Variants in NACC2 observed in about 807,000 individuals in gnomAD.
NACC2 encodes nucleus accumbens-associated protein 2.
Under a neutral mutation model 25.1 loss-of-function variants are expected in NACC2, and 8 were observed. The observed-to-expected ratio is 0.32, with a 90% CI of 0.19 to 0.57. The LOEUF is 0.57. NACC2 is among the 20% of genes least tolerant of loss of function. NACC2 has a pLI of 0.89. For missense variants in NACC2, 644 were observed against 650.2 expected (o/e 0.99, Z 0.10); for synonymous variants, 435 against 294.7 (o/e 1.48, Z -4.88).
chr9:136,051,028 G>GGGGAAGGA (rs1315949042), intron 1 of NACC2, among the ~76,000 whole-genome samples: 3 of 152,238 alleles, frequency 2.0e-5, no homozygotes, highest in African/African-American at 4.8e-5. Flanking sequence ...CTGGAGCAGC[G>GGGGAAGGA]GGGAAGGAGG....
At chr9:136,058,105 C>CGGA (rs1840954082) in intron 1 of NACC2, among the ~76,000 whole-genome samples, 1 of 151,682 alleles carries the variant, frequency 6.6e-6, no homozygotes, top group East Asian at 1.9e-4. Flanking sequence ...CCACTGGGGG[C>CGGA]GGGGGGGGCC....
At position 136,086,688 on chromosome 9, in the gene NACC2, C is replaced by CG. The variant is rs1830381933; in HGVS notation, c.-60+8500dup. Among the ~76,000 whole-genome samples, 1 of 152,192 alleles carries CG rather than the reference C, an allele frequency of 6.6e-6. No homozygotes were observed. The highest frequency in any genetic ancestry group is 2.1e-4 in the South Asian group (1 of 4,830). On this transcript the variant is annotated intron_variant, in intron 1 of 5. Coordinates refer to ENST00000277554, the MANE Select transcript of NACC2 (RefSeq NM_144653.5). The surrounding 1 kb of genome is among the most constrained non-coding windows in gnomAD (Gnocchi z 5.6). ...CTTACATAACCGCAGATGACAACGC[C>CG]GACTCCTAGGAAAACCCTCCCCGAC...
chr9:136,046,776 G>A (rs1242090465), intron 2 of NACC2, among the ~76,000 whole-genome samples: 3 of 152,228 alleles, frequency 2.0e-5, no homozygotes, highest in Non-Finnish European at 4.4e-5. Context: ...TGGAGGGAGG[G>A]AGGAGAGGCA....
chr9:136,064,600 A>G (rs1001534824), intron 1 of NACC2, among the ~76,000 whole-genome samples: 5 of 152,224 alleles, frequency 3.3e-5, no homozygotes, highest in African/African-American at 1.2e-4. Context: ...AAGACCTAAC[A>G]TTATTAAAGT....
chr9:136,043,600 C>T (rs1230333309), intron 2 of NACC2, among the ~76,000 whole-genome samples: 3 of 152,206 alleles, frequency 2.0e-5, no homozygotes, highest in Admixed American at 6.5e-5. Flanking sequence ...ACAGGATCTA[C>T]CGCTGCACGG....
In NACC2 at chr9:136,086,994, G is replaced by A. The variant is rs534173093; in HGVS notation, c.-60+8195C>T. On this transcript the variant is annotated intron_variant, in intron 1 of 5. Transcript: ENST00000277554. The surrounding 1 kb of genome is among the most constrained non-coding windows in gnomAD (Gnocchi z 5.6). ...GTCTTTACAGATATCATTAGTGAAA[G>A]GTAAGATGAGATATCCCGGATTTAG... Among the ~76,000 whole-genome samples, 1 of 152,326 alleles carries A rather than the reference G, an allele frequency of 6.6e-6. No homozygotes were observed. The highest frequency in any genetic ancestry group is 2.1e-4 in the South Asian group (1 of 4,832).
intron 1 of NACC2, among the ~76,000 whole-genome samples, chr9:136,053,464 C>A (rs1332510024): frequency 6.6e-6 from 1 of 152,164 alleles, no homozygotes; most frequent in Non-Finnish European, 1.5e-5. Flanking sequence ...CTGGGCTCCA[C>A]CGGGCCAGGA....
chr9:136,042,945 GACACAC>G (rs1332897945), intron 2 of NACC2, among the ~76,000 whole-genome samples: 1 of 142,184 alleles, frequency 7.0e-6, no homozygotes, highest in African/African-American at 2.7e-5. Context: ...GAGACAGACA[GACACAC>G]ACAGACACAC....
At position 136,013,411 on chromosome 9, in the gene NACC2, T is replaced by C. The variant is rs974604355; in HGVS notation, c.1158-115A>G. ...GCCACTTGGCCTCACCCTTGGCTGG[T>C]CTGCGTGTGTCCCAGTGGCAGGAGC... On this transcript the variant is annotated intron_variant, in intron 4 of 5. Coordinates refer to ENST00000277554, the MANE Select transcript of NACC2 (RefSeq NM_144653.5). This position sits in a 1 kb window ranked among gnomAD's most constrained non-coding sequence, Gnocchi z 6.6. 2.3e-6 allele frequency: 2 copies of C among 867,106 alleles called. No individual in the cohort carries two copies. The highest frequency in any genetic ancestry group is 3.4e-5 in the African/African-American group (2 of 59,360). The allele number at this position is 867,106 out of a possible 1,614,324, so 53.7% of individuals were successfully genotyped here.
chr9:136,027,466 G>A (rs964994719), intron 2 of NACC2, among the ~76,000 whole-genome samples: 1 of 152,110 alleles, frequency 6.6e-6, no homozygotes, highest in African/African-American at 2.4e-5. Context: ...ACATATACAG[G>A]GGCTCAGGGA....
chr9:136,063,543 T>C (rs1056663198), intron 1 of NACC2, among the ~76,000 whole-genome samples: 2 of 152,194 alleles, frequency 1.3e-5, no homozygotes, highest in African/African-American at 2.4e-5. Context: ...CCATAAAGTA[T>C]AGAGTTTTTC....
intron 1 of NACC2, among the ~76,000 whole-genome samples, chr9:136,079,013 G>A (rs986734879): frequency 1.3e-5 from 2 of 151,906 alleles, no homozygotes; most frequent in South Asian, 2.1e-4. Flanking sequence ...TCCCGAGGGA[G>A]CACTGAAGGT....
At chr9:136,040,980 A>AAGG in intron 2 of NACC2, among the ~76,000 whole-genome samples, 2 of 83,852 alleles carry the variant, frequency 2.4e-5, no homozygotes, top group Non-Finnish European at 5.4e-5. Context: ...AGAAAGAAAG[A>AAGG]AAAGGAAGGA....
At chr9:136,047,001 G>A (rs927179105) in intron 2 of NACC2, among the ~76,000 whole-genome samples, 16 of 152,282 alleles carry the variant, frequency 1.1e-4, no homozygotes, top group South Asian at 2.1e-4. Context: ...GTGCAGCTCC[G>A]GGACCCTCGG....
chr9:136,012,056 C>G, intron 5 of NACC2, 32 bp from the exon 6 acceptor site: 1 of 1,481,680 alleles, frequency 6.7e-7, no homozygotes, highest in Non-Finnish European at 9.0e-7. Flanking sequence ...AGCTCAGCCA[C>G]CTGCCTGCCG....
chr9:136,017,751 A>G (rs1218675042), intron 2 of NACC2, among the ~76,000 whole-genome samples: 6 of 152,178 alleles, frequency 3.9e-5, no homozygotes. Context: ...CCTGTGTCCC[A>G]GCACAAAAGG....
chr9:136,042,999 G>A (rs1410495936), intron 2 of NACC2, among the ~76,000 whole-genome samples: 14 of 149,664 alleles, frequency 9.4e-5, no homozygotes. Flanking sequence ...CAGACACAGT[G>A]TTGCCCCATC....
intron 2 of NACC2, among the ~76,000 whole-genome samples, chr9:136,024,369 A>AGGGTGTGTGTGTG (rs1564221608): frequency 1.4e-3 from 138 of 96,406 alleles, no homozygotes; most frequent in African/African-American, 2.2e-3. Context: ...GTGAGGACAG[A>AGGGTGTGTGTGTG]AGGTGTGTGT....
intron 1 of NACC2, among the ~76,000 whole-genome samples, chr9:136,093,006 C>A (rs1293199882): frequency 1.3e-5 from 2 of 152,158 alleles, no homozygotes; most frequent in Non-Finnish European, 2.9e-5. Context: ...GGGCTCTGCC[C>A]CACTGACGGT....
Sources: gnomAD v4.1 joint callset for allele counts (sites outside exome capture counted in the v4.1 genomes callset) on GRCh38, gnomAD v4.1.1 for gene constraint, Gnocchi (gnomAD v3.1) non-coding constraint, MANE v1.5 for transcripts, NCBI Gene and HGNC (gene_info 2026-07-23, HGNC 2026-07-21) for gene names.